Variants in ZDHHC11B observed in about 807,000 individuals in gnomAD.
ZDHHC11B encodes probable palmitoyltransferase ZDHHC11B.
Under a neutral mutation model 42.3 loss-of-function variants are expected in ZDHHC11B, and 17 were observed. The observed-to-expected ratio is 0.40, with a 90% CI of 0.27 to 0.60. The LOEUF (loss-of-function observed/expected upper bound fraction) is 0.60, where lower values mean the gene tolerates loss of function less well. Among genes scored for constraint, ZDHHC11B ranks in the 20% least tolerant of loss-of-function variants. The pLI is 0.41. For synonymous variants in ZDHHC11B, 123 were observed against 193.5 expected (o/e 0.64, Z 3.02); for missense variants, 262 against 463.2 (o/e 0.57, Z 3.99).
chr5:773,291 G>T (rs1179194731), intron 1 of ZDHHC11B, among the ~76,000 whole-genome samples: 1 of 151,236 alleles, frequency 6.6e-6, no homozygotes, highest in African/African-American at 2.5e-5. Context: ...GTTTCTGGGT[G>T]CAGTGCACCT....
rs1473278734 is a variant in ZDHHC11B, at chr5:784,201, G to A, written c.-230+467C>T. Among the ~76,000 whole-genome samples, 647 of 148,600 alleles carry A rather than the reference G, an allele frequency of 4.4e-3. 1 individual carries two copies. The highest frequency in any genetic ancestry group is 0.016 in the African/African-American group (619 of 39,108). ...TTTCTGTGGCCAGGGATCTCAAAAC[G>A]TGCTGCGGGCAGTGGCTTCATTCCA... On this transcript the variant is annotated intron_variant, in intron 1 of 13. Transcript: ENST00000508859.
At chr5:718,388 G>A (rs1741924121) in intron 12 of ZDHHC11B, among the ~76,000 whole-genome samples, 1 of 151,716 alleles carries the variant, frequency 6.6e-6, no homozygotes, top group South Asian at 2.1e-4. Context: ...GAAAGGAGAA[G>A]CTGGGCTGGG....
intron 1 of ZDHHC11B, among the ~76,000 whole-genome samples, chr5:776,975 A>C (rs1736555477): frequency 6.6e-6 from 1 of 151,870 alleles, no homozygotes; most frequent in South Asian, 2.1e-4. Flanking sequence ...TCCCAATCAG[A>C]ACAAAGCTGG....
intron 4 of ZDHHC11B, among the ~76,000 whole-genome samples, chr5:757,047 G>A (rs571359690): frequency 8.4e-4 from 128 of 151,876 alleles, no homozygotes; most frequent in African/African-American, 2.8e-3. Flanking sequence ...TGACTGGAAC[G>A]TCAGCTTCCG....
At chr5:733,884 G>C (rs758331150) in intron 10 of ZDHHC11B, 45 bp from the exon 11 acceptor site, 2 of 1,524,236 alleles carry the variant, frequency 1.3e-6, no homozygotes, top group South Asian at 1.1e-5. Context: ...CAGCTTTGTG[G>C]GGGGGCTCAG....
intron 1 of ZDHHC11B, among the ~76,000 whole-genome samples, chr5:771,058 C>G (rs1258014037): frequency 6.6e-6 from 1 of 151,894 alleles, no homozygotes; most frequent in African/African-American, 2.4e-5. Flanking sequence ...GCCTGGACAC[C>G]AGGTGGGCCG....
intron 10 of ZDHHC11B, among the ~76,000 whole-genome samples, chr5:741,079 G>A (rs867697511): frequency 1.6e-5 from 2 of 124,514 alleles, no homozygotes; most frequent in East Asian, 2.9e-4. Flanking sequence ...AAAACGAACC[G>A]CACTGCACAG....
intron 4 of ZDHHC11B, among the ~76,000 whole-genome samples, chr5:765,739 A>AC (rs1165817357): frequency 1.3e-5 from 2 of 151,902 alleles, no homozygotes; most frequent in African/African-American, 4.8e-5. Flanking sequence ...TCATTCCTGA[A>AC]CCAGGGATAC....
intron 1 of ZDHHC11B, among the ~76,000 whole-genome samples, chr5:773,341 G>C (rs1259769053): frequency 2.6e-5 from 4 of 151,822 alleles, no homozygotes; most frequent in African/African-American, 9.7e-5. Flanking sequence ...TCCCCCAGAG[G>C]CTCTGCTCTT....
chr5:751,941 G>A (rs538945324), intron 6 of ZDHHC11B, among the ~76,000 whole-genome samples: 7 of 119,152 alleles, frequency 5.9e-5, no homozygotes, highest in African/African-American at 1.1e-4. Flanking sequence ...GATGCGGTGC[G>A]ACTCGCCCAA....
intron 12 of ZDHHC11B, among the ~76,000 whole-genome samples, chr5:721,915 T>C (rs551008421): frequency 2.0e-5 from 3 of 151,662 alleles, no homozygotes; most frequent in Admixed American, 6.6e-5. Flanking sequence ...AGAAATAGAC[T>C]CAAATATGTG....
intron 1 of ZDHHC11B, among the ~76,000 whole-genome samples, chr5:769,173 G>A (rs1309792688): frequency 1.9e-5 from 2 of 106,118 alleles, no homozygotes; most frequent in African/African-American, 6.0e-5. Context: ...CACATCTTTG[G>A]CCACCACACC....
intron 1 of ZDHHC11B, among the ~76,000 whole-genome samples, chr5:776,207 A>C (rs1161246603): frequency 4.4e-4 from 67 of 151,656 alleles, no homozygotes; most frequent in Non-Finnish European, 7.4e-4. Flanking sequence ...GCCAGACCCC[A>C]CTGCTGGAAC....
intron 12 of ZDHHC11B, among the ~76,000 whole-genome samples, chr5:724,937 C>G (rs1335698639): frequency 1.4e-5 from 2 of 146,818 alleles, no homozygotes; most frequent in African/African-American, 5.1e-5. Flanking sequence ...CTGCACCCCT[C>G]GCTGAGATGC....
chr5:772,832 C>T (rs572174133), intron 1 of ZDHHC11B, among the ~76,000 whole-genome samples: 7 of 151,728 alleles, frequency 4.6e-5, no homozygotes, highest in African/African-American at 1.5e-4. Context: ...AGGGGTCTCA[C>T]GTGGGGACTC....
At chr5:754,601 G>T (rs112877352) in intron 6 of ZDHHC11B, among the ~76,000 whole-genome samples, 25 of 102,702 alleles carry the variant, frequency 2.4e-4, no homozygotes, top group East Asian at 1.3e-3. Flanking sequence ...CCATGCTCAG[G>T]GGAAACACCT....
chr5:754,589 C>G lies in ZDHHC11B; in HGVS notation c.503+409G>C, dbSNP rs371728362. 7.6e-5 allele frequency among the ~76,000 whole-genome samples: 10 copies of G among 131,336 alleles called. 1 individual carries two copies. The highest frequency in any genetic ancestry group is 3.1e-4 in the South Asian group (1 of 3,186). 86.2% of individuals were successfully genotyped at this position (131,336 alleles called of 152,430 possible). A position where few individuals can be genotyped will look rare whatever the true frequency, so the allele number is the denominator to read the frequency against. On this transcript the variant is annotated intron_variant, in intron 6 of 13. Transcript: ENST00000508859. ...GAAACACCTCTCATCTGTGAGCCTC[C>G]ACCATGCTCAGGGGAAACACCTCTC... is the stretch of plus-strand genomic sequence containing the variant.
intron 12 of ZDHHC11B, among the ~76,000 whole-genome samples, chr5:729,268 A>G (rs1418491886): frequency 2.6e-5 from 4 of 151,168 alleles, no homozygotes. Flanking sequence ...GCTTATGTCC[A>G]CTGGGCCCTA....
At chr5:714,493 A>AT (rs58853046) in intron 13 of ZDHHC11B, among the ~76,000 whole-genome samples, 1,254 of 109,358 alleles carry the variant, frequency 0.011, 28 homozygotes, top group African/African-American at 0.04. Context: ...AGTGGTGAAT[A>AT]TTTTTTTTTT....
Sources: allele counts gnomAD v4.1 joint callset (sites outside exome capture counted in the v4.1 genomes callset), GRCh38; gene constraint gnomAD v4.1.1; transcripts MANE v1.5; gene names NCBI Gene and HGNC (gene_info 2026-07-23, HGNC 2026-07-21).